The following RAP1GAP2 variants were observed in gnomAD, a reference collection of about 807,000 sequenced individuals.
RAP1GAP2 encodes the protein rap1 GTPase-activating protein 2.
A neutral mutation model predicts 95.0 loss-of-function variants in RAP1GAP2; 27 were observed. The observed-to-expected ratio is 0.28, with a 90% CI of 0.21 to 0.39. The LOEUF (loss-of-function observed/expected upper bound fraction) is 0.39. Ranked by LOEUF, RAP1GAP2 falls within the 10% of genes least tolerant of loss-of-function variation. RAP1GAP2 has a pLI of 1.00. For synonymous variants in RAP1GAP2, 373 were observed against 380.9 expected (o/e 0.98, Z 0.24); for missense variants, 771 against 970.0 (o/e 0.79, Z 2.72).
intron 2 of RAP1GAP2, among the ~76,000 whole-genome samples, chr17:2,856,270 G>C (rs1364804652): frequency 6.6e-6 from 1 of 152,138 alleles, no homozygotes; most frequent in Admixed American, 6.5e-5. Context: ...GTGGTGGTTG[G>C]GGGGTGGAGA....
chr17:2,793,834 C>T (rs2068994497), upstream of RAP1GAP2, among the ~76,000 whole-genome samples: 1 of 152,194 alleles, frequency 6.6e-6, no homozygotes, highest in African/African-American at 2.4e-5. Context: ...GGTGTGGTGG[C>T]TCCCGCCTGG....
chr17:2,867,920 G>A lies in RAP1GAP2; in HGVS notation c.81-37364G>A, dbSNP rs939231693. Among the ~76,000 whole-genome samples, 3 of 152,164 alleles carry A rather than the reference G, an allele frequency of 2.0e-5. No homozygotes were observed. Among genetic ancestry groups the A allele is most frequent in the Non-Finnish European group, 4.4e-5 (3 of 68,028 alleles). ...GATGAGGTGTGCTTTCTTCTTCACG[G>A]ATGCAGCTCGCGGGATCCCCAAGCC... is the stretch of plus-strand genomic sequence containing the variant. On this transcript the variant is annotated intron_variant, in intron 2 of 24. Transcript: ENST00000254695. The surrounding 1 kb of genome is among the most constrained non-coding windows in gnomAD (Gnocchi z 4.5).
At chr17:2,874,408 T>A (rs2072994853) in intron 2 of RAP1GAP2, among the ~76,000 whole-genome samples, 2 of 152,196 alleles carry the variant, frequency 1.3e-5, no homozygotes. Flanking sequence ...GTTAAGCTTT[T>A]AGGTCCTCCT....
intron 1 of RAP1GAP2, among the ~76,000 whole-genome samples, chr17:2,778,861 T>TG (rs1238590011): frequency 1.3e-5 from 2 of 152,208 alleles, no homozygotes; most frequent in Non-Finnish European, 2.9e-5. Flanking sequence ...ACCACTCTCC[T>TG]GGGCGGTGTT....
chr17:3,027,162 C>G lies in RAP1GAP2; in HGVS notation c.2107+92C>G. On this transcript the variant is annotated intron_variant, in intron 22 of 24. Coordinates refer to ENST00000254695, the MANE Select transcript of RAP1GAP2 (RefSeq NM_015085.5). The surrounding 1 kb of genome is among the most constrained non-coding windows in gnomAD (Gnocchi z 5.2). ...CAGGGCCCCAGCCACGCTGAACTGG[C>G]CAGTTTTCACCCCTCCTCCCAGCTG... 1 of 1,426,736 alleles carries G rather than the reference C, an allele frequency of 7.0e-7. No individual in the cohort carries two copies. The highest frequency in any genetic ancestry group is 2.6e-5 in the East Asian group (1 of 38,716). The allele number at this position is 1,426,736 out of a possible 1,614,324, so 88.4% of individuals were successfully genotyped here.
At chr17:2,912,585 C>T (rs1397826978) in intron 3 of RAP1GAP2, among the ~76,000 whole-genome samples, 1 of 152,084 alleles carries the variant, frequency 6.6e-6, no homozygotes, top group Non-Finnish European at 1.5e-5. Flanking sequence ...TTCAAGAAAA[C>T]CCTGTGTAGG....
intron 8 of RAP1GAP2, among the ~76,000 whole-genome samples, chr17:2,978,644 T>C (rs567685011): frequency 1.9e-4 from 29 of 152,096 alleles, no homozygotes; most frequent in African/African-American, 6.7e-4. Flanking sequence ...TATTAATAAA[T>C]TGACTTCGGC....
intron 2 of RAP1GAP2, among the ~76,000 whole-genome samples, chr17:2,852,658 C>T (rs989054317): frequency 3.3e-5 from 5 of 152,222 alleles, no homozygotes; most frequent in Non-Finnish European, 7.3e-5. Flanking sequence ...CCTCTTCGGC[C>T]CCAAAGATGG....
intron 1 of RAP1GAP2, among the ~76,000 whole-genome samples, chr17:2,762,507 C>T (rs1286489417): frequency 6.6e-6 from 1 of 151,112 alleles, no homozygotes; most frequent in Admixed American, 6.6e-5. Flanking sequence ...AAGTGATTCT[C>T]CTGCCTCAGC....
chr17:2,849,008 A>C (rs2071707807), intron 2 of RAP1GAP2, among the ~76,000 whole-genome samples: 2 of 152,068 alleles, frequency 1.3e-5, no homozygotes. Context: ...GTGTCTTAGC[A>C]CAGGTGTGAG....
At chr17:3,002,233 T>C (rs2046185436) in intron 14 of RAP1GAP2, among the ~76,000 whole-genome samples, 1 of 152,212 alleles carries the variant, frequency 6.6e-6, no homozygotes, top group Admixed American at 6.5e-5. Context: ...AGTGCTGGCA[T>C]TACAGGCGTG....
intron 2 of RAP1GAP2, among the ~76,000 whole-genome samples, chr17:2,900,244 T>TC (rs2041981398): frequency 6.6e-6 from 1 of 152,062 alleles, no homozygotes; most frequent in African/African-American, 2.4e-5. Context: ...TGAGAGTAGA[T>TC]CCCCAGGCTA....
intron 2 of RAP1GAP2, among the ~76,000 whole-genome samples, chr17:2,842,529 C>CAAAAA (rs34473053): frequency 3.8e-5 from 3 of 78,060 alleles, no homozygotes; most frequent in African/African-American, 9.2e-5. Flanking sequence ...GATTCCGTCT[C>CAAAAA]AAAAAAAAAA....
At chr17:2,762,178 G>A (rs1414351830) in intron 1 of RAP1GAP2, among the ~76,000 whole-genome samples, 6 of 151,042 alleles carry the variant, frequency 4.0e-5, no homozygotes, top group South Asian at 2.1e-4. Flanking sequence ...TAGTAGAGAC[G>A]GGGTTTCACC....
chr17:2,839,302 T>C lies in RAP1GAP2; in HGVS notation c.80+38752T>C, dbSNP rs2071273233. ...TCCAGCCTGGGCAACACAGTGAGAC[T>C]CTGTCTTAATAATAAAAAAAAAAAG... is the stretch of plus-strand genomic sequence containing the variant. On this transcript the variant is annotated intron_variant, in intron 2 of 24. Coordinates refer to ENST00000254695, the MANE Select transcript of RAP1GAP2 (RefSeq NM_015085.5). Among the ~76,000 whole-genome samples, 3 of 150,696 alleles carry C rather than the reference T, an allele frequency of 2.0e-5. No individual in the cohort carries two copies. The South Asian group carries it at 6.2e-4, about 31-fold the overall frequency.
intron 2 of RAP1GAP2, among the ~76,000 whole-genome samples, chr17:2,815,432 A>G (rs1290990409): frequency 6.6e-6 from 1 of 150,970 alleles, no homozygotes; most frequent in Non-Finnish European, 1.5e-5. Context: ...TGCTCAACAC[A>G]TGTAACCTGC....
chr17:2,976,906 G>A (rs1050668652), intron 8 of RAP1GAP2, among the ~76,000 whole-genome samples: 7 of 151,966 alleles, frequency 4.6e-5, no homozygotes, highest in African/African-American at 1.4e-4. Flanking sequence ...AGGCTGAGGC[G>A]GGTGGATCAC....
At chr17:3,011,076 G>A (rs1435573938) in intron 17 of RAP1GAP2, among the ~76,000 whole-genome samples, 2 of 151,994 alleles carry the variant, frequency 1.3e-5, no homozygotes, top group Admixed American at 6.6e-5. Flanking sequence ...ATAGGTGCCC[G>A]CCACCACGCC....
intron 17 of RAP1GAP2, among the ~76,000 whole-genome samples, chr17:3,014,689 A>T (rs1028098946): frequency 6.6e-6 from 1 of 151,766 alleles, no homozygotes; most frequent in East Asian, 1.9e-4. Flanking sequence ...AGCTGGGATT[A>T]TAGGCACACA....
Sources: gnomAD v4.1 joint callset for allele counts (sites outside exome capture counted in the v4.1 genomes callset) on GRCh38, gnomAD v4.1.1 for gene constraint, Gnocchi (gnomAD v3.1) non-coding constraint, MANE v1.5 for transcripts, NCBI Gene and HGNC (gene_info 2026-07-23, HGNC 2026-07-21) for gene names.